The following RRAGC variants were observed in gnomAD, a reference collection of about 807,000 sequenced individuals.
RRAGC encodes the protein Ras related GTP binding C.
RRAGC carries 8 observed loss-of-function variants against 37.1 expected under a neutral mutation model. The ratio of observed to expected loss-of-function variants is 0.22; its 90% confidence interval spans 0.13 to 0.39. The LOEUF is 0.39. RRAGC is among the 10% of genes least tolerant of loss of function. The probability of loss-of-function intolerance (pLI) is 1.00; values close to 1 mark genes in which losing one functional copy is unlikely to be tolerated. For missense variants in RRAGC, 342 were observed against 497.6 expected (o/e 0.69, Z 2.98); for synonymous variants, 190 against 181.1 (o/e 1.05, Z -0.39).
In RRAGC at chr1:38,855,864, G is replaced by C. The variant is rs1351508680; in HGVS notation, c.485C>G (p.Ser162Cys). 1.2e-6 allele frequency: 2 copies of C among 1,613,880 alleles called. No individual in the cohort carries two copies. Among genetic ancestry groups the C allele is most frequent in the East Asian group, 2.2e-5 (1 of 44,868 alleles). The part of the protein sequence containing the change: ...EALTRLHITV[S>C]KAYKVNPDMN... ...GTCTGGGTTAACTTTGTAGGCTTTA[G>C]AAACAGTAATGTGAAGTCTTGTTAA... is the stretch of plus-strand genomic sequence containing the variant. The change falls in exon 3 of 7, where the codon TCT becomes TGT. Residue 162 changes from serine (S) to cysteine (C), a missense_variant. By Grantham distance (112) the Ser-to-Cys change is moderately radical (BLOSUM62 -1). Around this residue, in one of 3 missense-constraint regions of RRAGC, gnomAD observed 134 missense variants for 277.2 expected, o/e 0.48. Coordinates refer to ENST00000373001, the MANE Select transcript of RRAGC (RefSeq NM_022157.4).
chr1:38,839,650 T>C lies in RRAGC; in HGVS notation c.1103A>G (p.Glu368Gly). The C allele has an allele frequency of 1.2e-6, 2 of 1,614,112 alleles. No homozygotes were observed. The highest frequency in any genetic ancestry group is 1.7e-6 in the Non-Finnish European group (2 of 1,180,002). ...CFRKAIHEVF[E>G]VGVTSHRSCG... Reference sequence around the variant, plus strand: ...GCTCCTGTGAGAAGTCACACCCACCTCAAAAACCTCATGAATAGCTTTTCG... The same window carrying C: ...GCTCCTGTGAGAAGTCACACCCACCCCAAAAACCTCATGAATAGCTTTTCG... Residue 368 changes from glutamate (E) to glycine (G), a missense_variant, in exon 7 of 7, where the codon GAG (glutamate) becomes GGG (glycine). Around this residue, in one of 3 missense-constraint regions of RRAGC, gnomAD observed 104 missense variants for 127.0 expected, o/e 0.82. Coordinates refer to ENST00000373001, the MANE Select transcript of RRAGC (RefSeq NM_022157.4).
intron 6 of RRAGC, among the ~76,000 whole-genome samples, chr1:38,845,616 A>AT (rs1642019121): frequency 6.6e-6 from 1 of 152,224 alleles, no homozygotes; most frequent in Non-Finnish European, 1.5e-5. Flanking sequence ...CCAGAACTTA[A>AT]AGTATAAACA....
rs1641937876 is a variant in RRAGC at position 38,839,599 on chromosome 1, C to T, written c.1154G>A (p.Ser385Asn). ...GCCATTGTGTGTCAGCGCTTTCAGACTGGAGGCACTAGTCTGGTGACCACA... is the reference window on the plus strand; with the variant it reads ...GCCATTGTGTGTCAGCGCTTTCAGATTGGAGGCACTAGTCTGGTGACCACA... Reference protein sequence around the residue: ...RSCGHQTSASSLKALTHNGTP... With the variant: ...RSCGHQTSASNLKALTHNGTP... Residue 385 changes from serine to asparagine, a missense_variant, in exon 7 of 7, where the codon AGT (serine) becomes AAT (asparagine). Coordinates refer to ENST00000373001, the MANE Select transcript of RRAGC (RefSeq NM_022157.4). 1 of 1,614,136 alleles carries T rather than the reference C, an allele frequency of 6.2e-7. No individual in the cohort carries two copies. Among genetic ancestry groups the T allele is most frequent in the South Asian group, 1.1e-5 (1 of 91,086 alleles).
In RRAGC at chr1:38,859,463, G is replaced by T. The variant is rs1376647753; in HGVS notation, c.184C>A (p.Pro62Thr). 1.9e-6 allele frequency: 3 copies of T among 1,548,216 alleles called. No homozygotes were observed. Among genetic ancestry groups the T allele is most frequent in the Non-Finnish European group, 2.6e-6 (3 of 1,146,664 alleles). ...CGPGGADSSK[P>T]RILLMGLRRS... ...CGGAGTCCCATGAGCAGAATCCTCGGCTTGGAGCTGTCAGCGCCCCCCGGA... is the reference window on the plus strand; with the variant it reads ...CGGAGTCCCATGAGCAGAATCCTCGTCTTGGAGCTGTCAGCGCCCCCCGGA... Residue 62 changes from proline to threonine, a missense_variant, in exon 1 of 7, where the codon CCG (proline) becomes ACG (threonine). By Grantham distance (38) the Pro-to-Thr change is conservative. Around this residue, in one of 3 missense-constraint regions of RRAGC, gnomAD observed 104 missense variants for 93.4 expected, o/e 1.11. Coordinates refer to ENST00000373001, the MANE Select transcript of RRAGC (RefSeq NM_022157.4).
At chr1:38,859,323 CCCCGGCCGCCGCCCT>C in intron 1 of RRAGC, 72 bp downstream of exon 1, 1 of 1,246,718 alleles carries the variant, frequency 8.0e-7, no homozygotes, top group African/African-American at 1.5e-5. Flanking sequence ...CGCAGGCGGG[CCCCGGCCGCCGCCCT>C]CCCGGGCGTC....
chr1:38,849,048 A>G (rs1449863768), intron 5 of RRAGC, among the ~76,000 whole-genome samples: 1 of 152,004 alleles, frequency 6.6e-6, no homozygotes, highest in Non-Finnish European at 1.5e-5. Flanking sequence ...CAGAGGCTGC[A>G]ATGAGCTGTC....
chr1:38,849,700 T>C (rs1035136441), intron 5 of RRAGC, among the ~76,000 whole-genome samples: 27 of 151,912 alleles, frequency 1.8e-4, no homozygotes, highest in African/African-American at 6.3e-4. Flanking sequence ...AAAAAATAAA[T>C]AAATAAAATA....
At chr1:38,845,340 C>A (rs1001748744) in intron 6 of RRAGC, among the ~76,000 whole-genome samples, 1 of 152,132 alleles carries the variant, frequency 6.6e-6, no homozygotes, top group African/African-American at 2.4e-5. Flanking sequence ...ATGGATGAAG[C>A]TGGAAACCAT....
intron 1 of RRAGC, 51 bp from the exon 2 acceptor site, chr1:38,857,133 A>G: frequency 7.0e-7 from 1 of 1,426,116 alleles, no homozygotes; most frequent in Non-Finnish European, 9.7e-7. Context: ...CAGAATTTAA[A>G]TTTAAAATTC....
chr1:38,851,439 A>C (rs1642100094), intron 5 of RRAGC, 176 bp downstream of exon 5: 1 of 470,634 alleles, frequency 2.1e-6, no homozygotes, highest in South Asian at 5.7e-5. Context: ...CGAAGGAGTA[A>C]GACCCAGCAG....
chr1:38,847,043 G>C (rs1375888605), intron 5 of RRAGC: 1 of 152,142 alleles, frequency 6.6e-6, no homozygotes, highest in African/African-American at 2.4e-5. Flanking sequence ...CCAAGAGGCA[G>C]AGGTTGCAGT....
In RRAGC at chr1:38,859,716, G is replaced by GTCCGCC. The variant is rs963042369; in HGVS notation, c.-76_-71dup. On this transcript the variant is annotated 5_prime_UTR_variant, in exon 1 of 7. Transcript: ENST00000373001. The stretch of plus-strand genomic sequence containing the variant: ...GCCGAGCCAGGCCGCCGCCTCCCCA[G>GTCCGCC]TCCGCCTCCGCCGCCGCCGCCACCA... The GTCCGCC allele has an allele frequency of 1.9e-5, 23 of 1,206,648 alleles. No homozygotes were observed. Among genetic ancestry groups the GTCCGCC allele is most frequent in the African/African-American group, 8.0e-5 (5 of 62,398 alleles). The allele number at this position is 1,206,648 out of a possible 1,614,324, so 74.7% of individuals were successfully genotyped here.
intron 1 of RRAGC, among the ~76,000 whole-genome samples, chr1:38,858,443 A>C (rs1193833620): frequency 6.6e-6 from 1 of 152,204 alleles, no homozygotes; most frequent in Non-Finnish European, 1.5e-5. Context: ...TCACACCTGT[A>C]ATCCCAGCAC....
rs761617599 is a variant in RRAGC at position 38,845,932 on chromosome 1, C to T, written c.1048+7G>A. On this transcript the variant is annotated splice_region_variant and intron_variant, in intron 6 of 6. Coordinates refer to ENST00000373001, the MANE Select transcript of RRAGC (RefSeq NM_022157.4). ...AACATAAAAACAGCTTTTTAAAATGCTATTACCTTTTCTTTCAAAGCTTTC... is the reference window on the plus strand; with the variant it reads ...AACATAAAAACAGCTTTTTAAAATGTTATTACCTTTTCTTTCAAAGCTTTC... 2.0e-5 allele frequency: 32 copies of T among 1,599,160 alleles called. 1 individual carries two copies. The South Asian group carries it at 3.2e-4, about 16-fold the overall frequency.
chr1:38,851,851 T>C, intron 4 of RRAGC, 94 bp from the exon 5 acceptor site: 1 of 1,140,734 alleles, frequency 8.8e-7, no homozygotes, highest in Non-Finnish European at 1.3e-6. Context: ...ACATCCAAGG[T>C]CATTTTTAAT....
chr1:38,840,955 T>G (rs2124212607), intron 6 of RRAGC, among the ~76,000 whole-genome samples: 1 of 152,374 alleles, frequency 6.6e-6, no homozygotes, highest in Admixed American at 6.5e-5. Flanking sequence ...AGATATTTGA[T>G]ATCATTAAGT....
chr1:38,854,924 G>A lies in RRAGC; in HGVS notation c.641+784C>T, dbSNP rs1294491621. The stretch of plus-strand genomic sequence containing the variant: ...CTATCGTCAAGAGAATATTTTCTTG[G>A]GTACTTTTTAATACTCATTTCTACC... On this transcript the variant is annotated intron_variant, in intron 3 of 6. Transcript: ENST00000373001. Among the ~76,000 whole-genome samples the A allele has an allele frequency of 2.0e-5, 3 of 152,018 alleles. No individual in the cohort carries two copies. The East Asian group carries it at 5.8e-4, about 29-fold the overall frequency.
chr1:38,853,228 A>G (rs1301606193), intron 3 of RRAGC, among the ~76,000 whole-genome samples: 2 of 152,228 alleles, frequency 1.3e-5, no homozygotes, highest in Admixed American at 1.3e-4. Context: ...AGAATGGAGG[A>G]ATCTACAGGA....
chr1:38,856,796 C>A, intron 2 of RRAGC, 83 bp downstream of exon 2: 1 of 1,345,726 alleles, frequency 7.4e-7, no homozygotes, highest in Non-Finnish European at 1.1e-6. Context: ...GCTGCAACCA[C>A]ATGACAAAGA....
Sources: allele counts gnomAD v4.1 joint callset (sites outside exome capture counted in the v4.1 genomes callset), GRCh38; gene constraint gnomAD v4.1.1; regional missense constraint gnomAD v4.1.1; transcripts MANE v1.5; gene names NCBI Gene and HGNC (gene_info 2026-07-23, HGNC 2026-07-21).